Variants in HNRNPH1 observed in about 807,000 individuals in gnomAD.
HNRNPH1 encodes heterogeneous nuclear ribonucleoprotein H.
In HNRNPH1, 4 loss-of-function variants were observed where a neutral mutation model predicts 58.6. That is an observed-to-expected ratio of 0.07 (90% CI 0.03 to 0.16). The LOEUF (loss-of-function observed/expected upper bound fraction) is 0.16. HNRNPH1 is among the 10% of genes least tolerant of loss of function. The pLI is 1.00. For missense variants in HNRNPH1, 271 were observed against 564.2 expected (o/e 0.48, Z 5.26); for synonymous variants, 192 against 189.2 (o/e 1.01, Z -0.12).
chr5:179,615,814 T>TC (rs1368649546), intron 11 of HNRNPH1: 2 of 525,300 alleles, frequency 3.8e-6, no homozygotes, highest in Non-Finnish European at 6.8e-6. Context: ...AATGTTTTAA[T>TC]ACATGGAGGC....
rs184223824 is a variant in HNRNPH1 at position 179,631,471 on chromosome 5, C to T, written c.-32+2594G>A. 7.3e-4 allele frequency among the ~76,000 whole-genome samples: 110 copies of T among 151,504 alleles called. 1 individual carries two copies. The highest frequency in any genetic ancestry group is 3.6e-3 in the Admixed American group (55 of 15,222). On this transcript the variant is annotated intron_variant, in intron 2 of 4. Transcript: ENST00000521116. ...TACAAAAAGTTAAAAACATGCTGGGCGCGGTGGCTCACACCTGTAATCCTA... is the reference window on the plus strand; with the variant it reads ...TACAAAAAGTTAAAAACATGCTGGGTGCGGTGGCTCACACCTGTAATCCTA...
At chr5:179,614,347 T>TTA (rs1554129525) in exon 13 of HNRNPH1, 1 of 143,934 alleles carries the variant, frequency 6.9e-6, no homozygotes, top group African/African-American at 2.6e-5. Flanking sequence ...CCCATTAACT[T>TTA]AAAAAAAAAA....
chr5:179,621,221 C>CT, intron 2 of HNRNPH1, 21 bp downstream of exon 3: 1 of 1,608,968 alleles, frequency 6.2e-7, no homozygotes, highest in Non-Finnish European at 8.5e-7. Context: ...TTTACTGTAA[C>CT]TAGGGCAATG....
chr5:179,618,400 A>G, intron 4 of HNRNPH1, 77 bp from the exon 6 acceptor site: 2 of 984,686 alleles, frequency 2.0e-6, no homozygotes, highest in Admixed American at 2.5e-5. Context: ...ATTTAGTTAT[A>G]CAAGAAAACA....
intron 4 of HNRNPH1, chr5:179,618,749 C>T (rs546220853): frequency 6.1e-6 from 1 of 163,170 alleles, no homozygotes; most frequent in East Asian, 1.8e-4. Flanking sequence ...CCAGCCTATG[C>T]TTTTAGTAAG....
At chr5:179,616,819 C>T (rs1769966323) in intron 10 of HNRNPH1, 50 bp downstream of exon 11, 2 of 1,415,734 alleles carry the variant, frequency 1.4e-6, no homozygotes, top group South Asian at 2.4e-5. Flanking sequence ...TTATAATTGA[C>T]TTATACAGAT....
exon 1 of HNRNPH1, chr5:179,624,449 G>C: frequency 2.5e-6 from 1 of 398,314 alleles, no homozygotes; most frequent in East Asian, 3.6e-5. Flanking sequence ...GGCAGGCCTT[G>C]ACTGCCCTGG....
intron 1 of HNRNPH1, chr5:179,621,642 C>G (rs1772390225): frequency 1.9e-6 from 1 of 521,160 alleles, no homozygotes; most frequent in Non-Finnish European, 3.4e-6. Flanking sequence ...ATGAATTTAT[C>G]TCTTTAGTCC....
exon 13 of HNRNPH1, chr5:179,614,780 TAAAGAAAAAAAAAAAAAAAAAAA>T (rs1237981327): frequency 1.3e-5 from 10 of 789,286 alleles, no homozygotes; most frequent in Non-Finnish European, 1.9e-5. Context: ...GAAGTTTTCT[TAAAGAAAAAAAAAAAAAAAAAAA>T]AAAGGTTGAC....
intron 10 of HNRNPH1, chr5:179,616,551 T>A (rs531558401): frequency 4.7e-5 from 24 of 512,008 alleles, no homozygotes; most frequent in South Asian, 4.4e-4. Flanking sequence ...CAAAGGCATG[T>A]CAATACACCT....
upstream of HNRNPH1, chr5:179,629,214 T>A (rs550680722): frequency 1.3e-5 from 2 of 150,710 alleles, no homozygotes; most frequent in Non-Finnish European, 2.9e-5. Context: ...GGAGAATGGC[T>A]CGAACCCGGG....
chr5:179,625,926 G>A (rs1338032048), upstream of HNRNPH1, among the ~76,000 whole-genome samples: 1 of 134,070 alleles, frequency 7.5e-6, no homozygotes, highest in African/African-American at 2.7e-5. Context: ...GTGCCACCTT[G>A]CTCAGATTAT....
At chr5:179,631,987 A>G (rs1266208525) in intron 2 of HNRNPH1, among the ~76,000 whole-genome samples, 1 of 152,134 alleles carries the variant, frequency 6.6e-6, no homozygotes, top group African/African-American at 2.4e-5. Flanking sequence ...CTCGGGTGGT[A>G]CACTGCAAGC....
At chr5:179,614,784 G>GAAAAAAAAAAAA (rs35827689) in exon 13 of HNRNPH1, 3 of 446,198 alleles carry the variant, frequency 6.7e-6, no homozygotes, top group East Asian at 9.9e-5. Context: ...TTTTCTTAAA[G>GAAAAAAAAAAAA]AAAAAAAAAA....
Position 179,616,229 on chromosome 5 carries a change from A to G in HNRNPH1, c.1208-11T>C. The G allele has an allele frequency of 6.2e-7, 1 of 1,610,150 alleles. No individual in the cohort carries two copies. The highest frequency in any genetic ancestry group is 8.5e-7 in the Non-Finnish European group (1 of 1,176,392). Reference sequence around the variant, plus strand: ...AGCTGGACTGGTTTGCTGTTAAGTTAAGAAAACATTAGAACCTTTTTTCTT... The same window carrying G: ...AGCTGGACTGGTTTGCTGTTAAGTTGAGAAAACATTAGAACCTTTTTTCTT... On this transcript the variant is annotated splice_polypyrimidine_tract_variant and intron_variant, in intron 10 of 12. Coordinates refer to ENST00000356731, the Ensembl canonical transcript of HNRNPH1.
chr5:179,622,252 A>G (rs1375434947), intron 1 of HNRNPH1, among the ~76,000 whole-genome samples: 2 of 152,244 alleles, frequency 1.3e-5, no homozygotes, highest in African/African-American at 4.8e-5. Flanking sequence ...AAGACGTGAC[A>G]TTTTAACTTT....
At chr5:179,620,397 G>A (rs1316597085) in intron 3 of HNRNPH1, among the ~76,000 whole-genome samples, 3 of 152,154 alleles carry the variant, frequency 2.0e-5, no homozygotes, top group Admixed American at 2.0e-4. Flanking sequence ...CTGATTTTCA[G>A]TAAGTTTATA....
chr5:179,619,611 G>C (rs189316574), intron 3 of HNRNPH1: 83 of 399,054 alleles, frequency 2.1e-4, no homozygotes, highest in Middle Eastern at 5.3e-4. Context: ...CACACCCATG[G>C]TACAGTATAT....
intron 2 of HNRNPH1, among the ~76,000 whole-genome samples, chr5:179,630,509 AAG>A (rs1774741205): frequency 6.6e-6 from 1 of 152,206 alleles, no homozygotes; most frequent in Admixed American, 6.6e-5. Context: ...GATCATTTAA[AAG>A]AGTAATTAAG....
Sources: gnomAD v4.1 joint callset for allele counts (sites outside exome capture counted in the v4.1 genomes callset) on GRCh38, gnomAD v4.1.1 for gene constraint, MANE v1.5 for transcripts, NCBI Gene and HGNC (gene_info 2026-07-23, HGNC 2026-07-21) for gene names.